TENM3: variants seen among roughly 807,000 people sequenced by gnomAD.
TENM3 encodes teneurin transmembrane protein 3, also known as teneurin-3.
TENM3 carries 63 observed loss-of-function variants against 255.1 expected under a neutral mutation model. The observed-to-expected ratio is 0.25, with a 90% CI of 0.20 to 0.30. TENM3 has a LOEUF of 0.30. TENM3 is among the 10% of genes least tolerant of loss of function. TENM3 has a pLI of 1.00. For missense variants in TENM3, 2,929 were observed against 3,461.1 expected (o/e 0.85, Z 3.86); for synonymous variants, 1,306 against 1,322.3 (o/e 0.99, Z 0.27).
rs145829634 is a variant in TENM3 at position 182,156,597 on chromosome 4, T to A, written c.-76+11843T>A. Among the ~76,000 whole-genome samples, 144 of 151,984 alleles carry A rather than the reference T, an allele frequency of 9.5e-4. 1 individual carries two copies. Among genetic ancestry groups the A allele is most frequent in the African/African-American group, 3.4e-3 (140 of 41,438 alleles). ...TGAAAATCTAGACAAAATATGATAGTTTTTTTTACTTTAAGAAAACCCCAT... is the reference window on the plus strand; with the variant it reads ...TGAAAATCTAGACAAAATATGATAGATTTTTTTACTTTAAGAAAACCCCAT... On this transcript the variant is annotated intron_variant, in intron 1 of 2. Coordinates refer to the TENM3 transcript ENST00000512480.
chr4:182,624,468 C>T (rs1028316407), intron 4 of TENM3, among the ~76,000 whole-genome samples: 7 of 152,168 alleles, frequency 4.6e-5, no homozygotes, highest in Non-Finnish European at 8.8e-5. Flanking sequence ...TAGAAAGAGC[C>T]TCAGCCTTCC....
At chr4:181,874,889 T>G in the TENM3 span, among the ~76,000 whole-genome samples, 4 of 152,142 alleles carry the variant, frequency 2.6e-5, no homozygotes, top group Non-Finnish European at 5.9e-5. Context: ...AAATATAGAG[T>G]TCCCTCTATG....
At position 182,323,989 on chromosome 4, in the gene TENM3, C is replaced by A. The variant is rs1394311573; in HGVS notation, c.-32C>A. On this transcript the variant is annotated 5_prime_UTR_variant, in exon 2 of 28. Coordinates refer to ENST00000511685, the MANE Select transcript of TENM3 (RefSeq NM_001080477.4). Reference sequence around the variant, plus strand: ...AACCCTGAGCCTAAGTTGTCACCAGCAGGACTGATGTGCACACAGAAGGAA... The same window carrying A: ...AACCCTGAGCCTAAGTTGTCACCAGAAGGACTGATGTGCACACAGAAGGAA... 3 of 1,585,690 alleles carry A rather than the reference C, an allele frequency of 1.9e-6. No homozygotes were observed. Among genetic ancestry groups the A allele is most frequent in the Non-Finnish European group, 1.7e-6 (2 of 1,159,464 alleles).
At chr4:182,518,072 C>T (rs1404968087) in intron 3 of TENM3, among the ~76,000 whole-genome samples, 1 of 151,934 alleles carries the variant, frequency 6.6e-6, no homozygotes, top group African/African-American at 2.4e-5. Flanking sequence ...CTTTTTGTTT[C>T]TGAAGCCTTG....
chr4:182,593,289 T>C (rs1746855314), intron 3 of TENM3, among the ~76,000 whole-genome samples: 1 of 152,210 alleles, frequency 6.6e-6, no homozygotes, highest in Non-Finnish European at 1.5e-5. Flanking sequence ...GTGTTTTGTG[T>C]AACGGTGCTT....
chr4:181,849,949 T>TCTCTCTCTCTCACACACA, the TENM3 span, among the ~76,000 whole-genome samples: 425 of 65,936 alleles, frequency 6.4e-3, 7 homozygotes, highest in Non-Finnish European at 0.01. Flanking sequence ...TCTCTCTCTC[T>TCTCTCTCTCTCACACACA]CACACACACA....
At chr4:181,821,745 T>C in the TENM3 span, 1 of 152,176 alleles carries the variant, frequency 6.6e-6, no homozygotes, top group Non-Finnish European at 1.5e-5. Flanking sequence ...CTCAGAAGAT[T>C]TGAACCCCAA....
chr4:182,749,873 C>A (rs188265866), intron 19 of TENM3, among the ~76,000 whole-genome samples: 4 of 152,222 alleles, frequency 2.6e-5, no homozygotes, highest in Non-Finnish European at 5.9e-5. Flanking sequence ...AGGGGCCTCT[C>A]CAATGTCATG....
intron 4 of TENM3, among the ~76,000 whole-genome samples, chr4:182,611,147 G>A (rs997580001): frequency 3.3e-5 from 5 of 151,892 alleles, no homozygotes; most frequent in Non-Finnish European, 5.9e-5. Context: ...CCAAATATAA[G>A]TTCATTACCT....
At chr4:181,580,675 GAGAA>G in the TENM3 span, among the ~76,000 whole-genome samples, 1 of 152,168 alleles carries the variant, frequency 6.6e-6, no homozygotes, top group East Asian at 1.9e-4. Flanking sequence ...ATGAGAGACA[GAGAA>G]AGAGAGAGAG....
chr4:181,897,652 A>G, the TENM3 span, among the ~76,000 whole-genome samples: 1 of 152,206 alleles, frequency 6.6e-6, no homozygotes, highest in Non-Finnish European at 1.5e-5. Context: ...TGAAAGTTAG[A>G]GATCACTGGA....
At chr4:181,727,283 A>G in the TENM3 span, among the ~76,000 whole-genome samples, 57 of 152,288 alleles carry the variant, frequency 3.7e-4, no homozygotes, top group South Asian at 2.7e-3. Flanking sequence ...GTTTTCCAAA[A>G]ATCACCTCAT....
chr4:181,479,228 C>T, the TENM3 span, among the ~76,000 whole-genome samples: 1 of 152,266 alleles, frequency 6.6e-6, no homozygotes, highest in South Asian at 2.1e-4. Context: ...TTATGAACAT[C>T]TTGAAAAATG....
intron 3 of TENM3, among the ~76,000 whole-genome samples, chr4:182,590,747 C>T (rs1373369563): frequency 2.8e-5 from 4 of 142,130 alleles, no homozygotes; most frequent in African/African-American, 1.0e-4. Flanking sequence ...CCCAACTACT[C>T]GGGGGGCAGG....
the TENM3 span, among the ~76,000 whole-genome samples, chr4:181,849,949 T>TCTCTCTCTCTCACACACACA: frequency 0.023 from 1,542 of 65,882 alleles, 46 homozygotes; most frequent in Middle Eastern, 0.03. Flanking sequence ...TCTCTCTCTC[T>TCTCTCTCTCTCACACACACA]CACACACACA....
chr4:181,726,920 AGG>A, the TENM3 span, among the ~76,000 whole-genome samples: 1 of 152,236 alleles, frequency 6.6e-6, no homozygotes, highest in Admixed American at 6.5e-5. Context: ...CACAGCACTC[AGG>A]GAAACACTTA....
chr4:182,506,056 A>C (rs1407937685), intron 3 of TENM3, among the ~76,000 whole-genome samples: 1 of 152,218 alleles, frequency 6.6e-6, no homozygotes, highest in African/African-American at 2.4e-5. Context: ...GATAAATGCA[A>C]CAGCTGTGGT....
intron 1 of TENM3, among the ~76,000 whole-genome samples, chr4:182,253,890 AG>A (rs1298673630): frequency 6.6e-6 from 1 of 152,138 alleles, no homozygotes; most frequent in Non-Finnish European, 1.5e-5. Context: ...TACAGCAAAA[AG>A]TAAACTCTGA....
the TENM3 span, among the ~76,000 whole-genome samples, chr4:181,822,123 G>A: frequency 6.6e-6 from 1 of 151,980 alleles, no homozygotes; most frequent in Non-Finnish European, 1.5e-5. Flanking sequence ...CTTTTTTCAG[G>A]TCTTTGATAT....
Sources: gnomAD v4.1 joint callset for allele counts (sites outside exome capture counted in the v4.1 genomes callset) on GRCh38, gnomAD v4.1.1 for gene constraint, MANE v1.5 for transcripts, NCBI Gene and HGNC (gene_info 2026-07-23, HGNC 2026-07-21) for gene names.